Variants in LAMB4 observed in about 807,000 individuals in gnomAD.
LAMB4 encodes laminin subunit beta 4.
In LAMB4, 196 loss-of-function variants were observed where a neutral mutation model predicts 199.2. That is an observed-to-expected ratio of 0.98 (90% CI 0.88 to 1.11). LAMB4 has a LOEUF of 1.11. LAMB4 is among the 50% of genes least tolerant of loss of function. The pLI, the probability that LAMB4 is intolerant of heterozygous loss-of-function variation, is 0.00. For synonymous variants in LAMB4, 744 were observed against 770.6 expected (o/e 0.97, Z 0.57); for missense variants, 2,080 against 2,171.2 (o/e 0.96, Z 0.83).
intron 4 of LAMB4, among the ~76,000 whole-genome samples, chr7:108,109,778 T>C (rs1584772128): frequency 6.6e-6 from 1 of 152,064 alleles, no homozygotes; most frequent in Non-Finnish European, 1.5e-5. Context: ...GGTAGCCTGG[T>C]CAGTGTTTTG....
intron 23 of LAMB4, among the ~76,000 whole-genome samples, chr7:108,058,817 C>T (rs760638838): frequency 3.9e-5 from 6 of 151,940 alleles, no homozygotes; most frequent in South Asian, 4.2e-4. Context: ...CCACCACACC[C>T]GGCAATTTTT....
intron 18 of LAMB4, among the ~76,000 whole-genome samples, chr7:108,068,560 C>G (rs1301626237): frequency 2.0e-5 from 3 of 152,178 alleles, no homozygotes; most frequent in Admixed American, 6.5e-5. Flanking sequence ...GTTACTCAGG[C>G]TGGAGTGGTG....
chr7:108,088,843 A>G (rs1213037949), intron 14 of LAMB4, among the ~76,000 whole-genome samples: 1 of 152,180 alleles, frequency 6.6e-6, no homozygotes, highest in Non-Finnish European at 1.5e-5. Context: ...AACTCATCTG[A>G]CAGCAATAAC....
chr7:108,104,328 G>A (rs1012794917), intron 9 of LAMB4, among the ~76,000 whole-genome samples, 171 bp downstream of exon 9: 2 of 152,170 alleles, frequency 1.3e-5, no homozygotes, highest in Non-Finnish European at 2.9e-5. Context: ...GGAGAAGTTG[G>A]CGATTCTTCT....
At position 108,106,038 on chromosome 7, in the gene LAMB4, A is replaced by T. The variant is rs763835776; in HGVS notation, c.656-7T>A. The T allele has an allele frequency of 1.4e-5, 23 of 1,606,068 alleles. No homozygotes were observed. On this transcript the variant is annotated splice_polypyrimidine_tract_variant and splice_region_variant and intron_variant, in intron 7 of 33. Transcript: ENST00000388781. ...TTTGTCAATGTCACAAGGTCTAAAG[A>T]AAGGAAAATAATGAATCAAAGTGAA...
chr7:108,126,204 ATTTATT>A (rs554796685), intron 1 of LAMB4, among the ~76,000 whole-genome samples: 197 of 152,274 alleles, frequency 1.3e-3, no homozygotes, highest in African/African-American at 4.5e-3. Flanking sequence ...TTTTTGAAAT[ATTTATT>A]TTTAATTGTG....
chr7:108,125,553 G>T (rs1195673080), intron 1 of LAMB4, among the ~76,000 whole-genome samples: 1 of 152,174 alleles, frequency 6.6e-6, no homozygotes, highest in African/African-American at 2.4e-5. Context: ...TGAGTTGCTG[G>T]GGTAAAGTGC....
intron 14 of LAMB4, among the ~76,000 whole-genome samples, chr7:108,091,368 T>G (rs2037394736): frequency 6.6e-6 from 1 of 152,158 alleles, no homozygotes; most frequent in Admixed American, 6.5e-5. Flanking sequence ...TAAAGTCTGT[T>G]TCATCATAAT....
In LAMB4 at chr7:108,068,009, T is replaced by C. The variant is rs767685789; in HGVS notation, c.2446+7A>G. 2.5e-5 allele frequency: 40 copies of C among 1,614,078 alleles called. No homozygotes were observed. Among genetic ancestry groups the C allele is most frequent in the Non-Finnish European group, 3.4e-5 (40 of 1,180,024 alleles). On this transcript the variant is annotated splice_region_variant and intron_variant, in intron 19 of 33. Coordinates refer to ENST00000388781, the MANE Select transcript of LAMB4 (RefSeq NM_007356.3). ...AAGTGTTTCCCCTTGTGTGTTTTGCTACGTACGGTGACAGCCGTGATGCCC... is the reference window on the plus strand; with the variant it reads ...AAGTGTTTCCCCTTGTGTGTTTTGCCACGTACGGTGACAGCCGTGATGCCC...
At chr7:108,025,389 T>TTTTCTTTTCTTTC (rs1554420521) in intron 33 of LAMB4, among the ~76,000 whole-genome samples, 3 of 91,186 alleles carry the variant, frequency 3.3e-5, no homozygotes, top group Non-Finnish European at 4.0e-5. Flanking sequence ...TTTTCTTTTC[T>TTTTCTTTTCTTTC]TTTCTTTCTT....
chr7:108,031,342 A>AC (rs2035026986), intron 31 of LAMB4, among the ~76,000 whole-genome samples: 1 of 115,360 alleles, frequency 8.7e-6, no homozygotes, highest in Non-Finnish European at 1.7e-5. Context: ...AAAAAAAAAA[A>AC]AAAAAGAAAA....
chr7:108,079,653 T>C lies in LAMB4; in HGVS notation c.1835A>G (p.Asn612Ser), dbSNP rs767608326. ...GAAGTCCACAGGAAAGGGAATGTTG[T>C]TGACAGCAAATCTCAAGCCAGCCCC... ...LPGAGLRFAVNNIPFPVDFTI... is the reference protein window; with the variant it reads ...LPGAGLRFAVSNIPFPVDFTI... Residue 612 changes from asparagine (N) to serine (S), a missense_variant, in exon 15 of 34, where the codon AAC (asparagine) becomes AGC (serine). By Grantham distance (46) the Asn-to-Ser change is conservative (BLOSUM62 1). Coordinates refer to ENST00000388781, the MANE Select transcript of LAMB4 (RefSeq NM_007356.3). The C allele has an allele frequency of 6.2e-7, 1 of 1,613,290 alleles. No homozygotes were observed. The highest frequency in any genetic ancestry group is 8.5e-7 in the Non-Finnish European group (1 of 1,179,744).
intron 13 of LAMB4, 91 bp from the exon 14 acceptor site, chr7:108,091,867 T>C (rs2037418455): frequency 4.7e-6 from 6 of 1,267,270 alleles, no homozygotes; most frequent in Non-Finnish European, 6.7e-6. Flanking sequence ...TCCCTGAGTT[T>C]GGAGCAATCC....
chr7:108,043,545 G>GTGTTTTTTTTTTTTTTTT (rs2035496985), intron 29 of LAMB4, among the ~76,000 whole-genome samples: 1 of 56,000 alleles, frequency 1.8e-5, no homozygotes, highest in African/African-American at 1.5e-4. Context: ...TGGCTATGAT[G>GTGTTTTTTTTTTTTTTTT]TTTTTTTTTT....
Position 108,048,121 on chromosome 7 carries a change from G to A in LAMB4, c.4123-10C>T, listed in dbSNP as rs984470132. ...CTGGATCTCCGCACACCTTGCAAGAGAAATGATTTACGTTAAATAGCAACT... is the reference window on the plus strand; with the variant it reads ...CTGGATCTCCGCACACCTTGCAAGAAAAATGATTTACGTTAAATAGCAACT... On this transcript the variant is annotated splice_polypyrimidine_tract_variant and intron_variant, in intron 27 of 33. Coordinates refer to ENST00000388781, the MANE Select transcript of LAMB4 (RefSeq NM_007356.3). 1 of 1,255,980 alleles carries A rather than the reference G, an allele frequency of 8.0e-7. No individual in the cohort carries two copies. Among genetic ancestry groups the A allele is most frequent in the African/African-American group, 1.6e-5 (1 of 62,084 alleles). 77.8% of individuals were successfully genotyped at this position (1,255,980 alleles called of 1,614,324 possible). A position where few individuals can be genotyped will look rare whatever the true frequency, so the allele number is the denominator to read the frequency against.
chr7:108,123,722 A>G (rs2038679827), intron 1 of LAMB4, among the ~76,000 whole-genome samples: 1 of 152,224 alleles, frequency 6.6e-6, no homozygotes, highest in South Asian at 2.1e-4. Context: ...CCTTGCACAA[A>G]TAATTTTCAA....
intron 3 of LAMB4, among the ~76,000 whole-genome samples, chr7:108,113,604 G>T (rs2038306510): frequency 6.6e-6 from 1 of 152,322 alleles, no homozygotes; most frequent in East Asian, 1.9e-4. Flanking sequence ...AAAAGTGATG[G>T]TCTTCAAATA....
chr7:108,039,470 CTTT>C (rs61668715), intron 29 of LAMB4, among the ~76,000 whole-genome samples: 6 of 134,346 alleles, frequency 4.5e-5, no homozygotes, highest in African/African-American at 8.4e-5. Flanking sequence ...TACTTTCTTT[CTTT>C]TTTTTTTTTT....
chr7:108,046,622 G>A (rs1487656408), intron 28 of LAMB4, among the ~76,000 whole-genome samples: 1 of 151,780 alleles, frequency 6.6e-6, no homozygotes, highest in Non-Finnish European at 1.5e-5. Context: ...TAAAAATGAT[G>A]CTCATTTATA....
Sources: allele counts gnomAD v4.1 joint callset (sites outside exome capture counted in the v4.1 genomes callset), GRCh38; gene constraint gnomAD v4.1.1; transcripts MANE v1.5; gene names NCBI Gene and HGNC (gene_info 2026-07-23, HGNC 2026-07-21).